The following PRORP variants were observed in gnomAD, a reference collection of about 807,000 sequenced individuals.
PRORP encodes the protein protein only RNase P catalytic subunit.
PRORP carries 51 observed loss-of-function variants against 59.4 expected under a neutral mutation model. The observed-to-expected ratio is 0.86, with a 90% CI of 0.69 to 1.08. PRORP has a LOEUF of 1.08. Among genes scored for constraint, PRORP ranks in the 50% least tolerant of loss-of-function variants. The probability of loss-of-function intolerance (pLI) is 0.00; values close to 1 mark genes in which losing one functional copy is unlikely to be tolerated. For missense variants in PRORP, 646 were observed against 690.3 expected, an observed-to-expected ratio of 0.94 and a Z score of 0.72; for synonymous variants, 231 against 245.6, an observed-to-expected ratio of 0.94 and a Z score of 0.55.
In PRORP at chr14:35,235,313, G is replaced by C. The variant is rs573010513; in HGVS notation, c.1276-31414G>C. 4 of 692,024 alleles carry C rather than the reference G, an allele frequency of 5.8e-6. No homozygotes were observed. In the African/African-American group the frequency reaches 7.1e-5, roughly 12 times the overall value. The allele number at this position is 692,024 out of a possible 1,614,324, so 42.9% of individuals were successfully genotyped here. On this transcript the variant is annotated intron_variant, in intron 5 of 7. Transcript: ENST00000534898. ...TCTGTCATTGTAATTGGTCCTGATA[G>C]CTTCCACCAGCTTAGCCAAAGTGTC...
chr14:35,159,905 C>A (rs537942560), intron 4 of PRORP, among the ~76,000 whole-genome samples: 2 of 152,252 alleles, frequency 1.3e-5, no homozygotes, highest in South Asian at 2.1e-4. Context: ...TGTATGTTTT[C>A]TGAGGATGGG....
chr14:35,196,187 A>G (rs537277595), intron 5 of PRORP, among the ~76,000 whole-genome samples: 43 of 152,318 alleles, frequency 2.8e-4, no homozygotes, highest in African/African-American at 1.0e-3. Flanking sequence ...TTTAAGTGCT[A>G]TTTCAGGCCA....
chr14:35,260,260 A>T (rs891173335), intron 5 of PRORP, among the ~76,000 whole-genome samples: 16 of 152,014 alleles, frequency 1.1e-4, no homozygotes, highest in African/African-American at 3.9e-4. Flanking sequence ...CTGAGGCAGA[A>T]ATTAAAGAAA....
At position 35,143,801 on chromosome 14, in the gene PRORP, A is replaced by G. The variant is rs535031381; in HGVS notation, c.1167+16190A>G. On this transcript the variant is annotated intron_variant, in intron 4 of 7. Transcript: ENST00000534898. ...GTAGCTGGGATTACAGGCATGCGCC[A>G]CCAAGCCTGGCTAATTTTGTATTTT... 1.9e-3 allele frequency among the ~76,000 whole-genome samples: 276 copies of G among 144,872 alleles called. 10 individuals carry two copies. The highest frequency in any genetic ancestry group is 6.5e-3 in the African/African-American group (266 of 40,994).
chr14:35,220,047 G>A (rs2138437598), intron 5 of PRORP, among the ~76,000 whole-genome samples: 1 of 152,284 alleles, frequency 6.6e-6, no homozygotes, highest in African/African-American at 2.4e-5. Flanking sequence ...GGTAGTCTAG[G>A]AGGATCTCAT....
At chr14:35,219,933 A>T (rs2049727585) in intron 5 of PRORP, among the ~76,000 whole-genome samples, 1 of 152,170 alleles carries the variant, frequency 6.6e-6, no homozygotes, top group African/African-American at 2.4e-5. Context: ...AGAAGGTCTT[A>T]AAGTCTACTT....
At chr14:35,223,885 T>C (rs1376346248) in intron 5 of PRORP, among the ~76,000 whole-genome samples, 1 of 152,212 alleles carries the variant, frequency 6.6e-6, no homozygotes, top group Non-Finnish European at 1.5e-5. Flanking sequence ...TACTACTAAA[T>C]AATAATTTTA....
At chr14:35,270,337 G>A in intron 6 of PRORP, 64 bp from the exon 7 acceptor site, 3 of 1,502,370 alleles carry the variant, frequency 2.0e-6, no homozygotes, top group Non-Finnish European at 2.7e-6. Flanking sequence ...AAAGTACGGT[G>A]AAAAACACTG....
intron 4 of PRORP, among the ~76,000 whole-genome samples, chr14:35,176,911 G>T (rs1051252579): frequency 6.6e-6 from 1 of 152,072 alleles, no homozygotes; most frequent in African/African-American, 2.4e-5. Context: ...TTTGAGATAC[G>T]TCCCATCAAT....
At chr14:35,155,973 T>C (rs2138921017) in intron 4 of PRORP, among the ~76,000 whole-genome samples, 1 of 152,338 alleles carries the variant, frequency 6.6e-6, no homozygotes, top group Middle Eastern at 3.4e-3. Context: ...ACTGCATTGT[T>C]TTTGCTTTGC....
intron 5 of PRORP, among the ~76,000 whole-genome samples, chr14:35,229,804 T>C (rs554507559): frequency 1.3e-5 from 2 of 152,324 alleles, no homozygotes; most frequent in East Asian, 3.9e-4. Flanking sequence ...TGGATTTTTT[T>C]CAAACAATCA....
chr14:35,244,687 A>G (rs1188978137), intron 5 of PRORP, among the ~76,000 whole-genome samples: 1 of 152,176 alleles, frequency 6.6e-6, no homozygotes, highest in Non-Finnish European at 1.5e-5. Flanking sequence ...ATAAATGTGT[A>G]GTTTAAAGAG....
At chr14:35,157,015 G>C (rs1481894342) in intron 4 of PRORP, among the ~76,000 whole-genome samples, 1 of 149,864 alleles carries the variant, frequency 6.7e-6, no homozygotes, top group Non-Finnish European at 1.5e-5. Context: ...GAGTGCAGTG[G>C]CTCCATCTCG....
intron 5 of PRORP, among the ~76,000 whole-genome samples, chr14:35,245,185 C>T (rs143657630): frequency 1.3e-5 from 2 of 152,190 alleles, no homozygotes; most frequent in African/African-American, 2.4e-5. Flanking sequence ...CCATGGCTTT[C>T]CTCCAGCTTT....
intron 5 of PRORP, among the ~76,000 whole-genome samples, chr14:35,188,007 A>T (rs1245732598): frequency 2.1e-5 from 3 of 143,692 alleles, no homozygotes; most frequent in African/African-American, 5.2e-5. Context: ...CGGCCACCAC[A>T]CCTGGCTAAT....
intron 4 of PRORP, among the ~76,000 whole-genome samples, chr14:35,148,344 TCTC>T (rs2047660814): frequency 6.6e-6 from 1 of 152,236 alleles, no homozygotes; most frequent in Admixed American, 6.5e-5. Context: ...ACAACTTTCA[TCTC>T]CTTATACATC....
At chr14:35,253,571 G>C (rs1007903902) in intron 5 of PRORP, among the ~76,000 whole-genome samples, 2 of 152,070 alleles carry the variant, frequency 1.3e-5, no homozygotes, top group African/African-American at 4.8e-5. Context: ...TATACTTATA[G>C]GACAGAGTCT....
At chr14:35,233,371 GAGTTGTTC>G (rs1339565364) in intron 5 of PRORP, among the ~76,000 whole-genome samples, 1 of 150,158 alleles carries the variant, frequency 6.7e-6, no homozygotes, top group Non-Finnish European at 1.5e-5. Context: ...ATTGCCTCTA[GAGTTGTTC>G]AGTGCACAGC....
At chr14:35,235,403 C>G (rs2050185746) in intron 5 of PRORP, 1 of 692,188 alleles carries the variant, frequency 1.4e-6, no homozygotes, top group South Asian at 1.4e-5. Flanking sequence ...GACTAGATGT[C>G]CCAGTCTTGC....
Sources: gnomAD v4.1 joint callset for allele counts (sites outside exome capture counted in the v4.1 genomes callset) on GRCh38, gnomAD v4.1.1 for gene constraint, MANE v1.5 for transcripts, NCBI Gene and HGNC (gene_info 2026-07-23, HGNC 2026-07-21) for gene names.